The following TRMT2B variants were observed in gnomAD, a reference collection of about 807,000 sequenced individuals.
TRMT2B encodes the protein tRNA methyltransferase 2B.
Under a neutral mutation model 39.7 loss-of-function variants are expected in TRMT2B, and 34 were observed. The observed-to-expected ratio is 0.86, with a 90% confidence interval of 0.65 to 1.14. The LOEUF is 1.14. Among genes scored for constraint, TRMT2B ranks in the 50% most tolerant of loss-of-function variants. The probability of loss-of-function intolerance (pLI) is 0.00; values close to 1 mark genes in which losing one functional copy is unlikely to be tolerated. For missense variants in TRMT2B, 318 were observed against 377.2 expected, an observed-to-expected ratio of 0.84 and a Z score of 1.30; for synonymous variants, 132 against 137.3, an observed-to-expected ratio of 0.96 and a Z score of 0.27.
chrX:100,986,718 C>A, the TRMT2B span: 1 of 630,065 alleles, frequency 1.6e-6, no homozygotes, highest in East Asian at 3.5e-5. Flanking sequence ...CTCCTCTTTC[C>A]CTTCTTTTCT....
intron 2 of TRMT2B, among the ~76,000 whole-genome samples, chrX:101,048,472 C>CT (rs1436906900): frequency 9.0e-5 from 10 of 110,891 alleles, no homozygotes; most frequent in African/African-American, 3.0e-4. Context: ...AACAGTCTTA[C>CT]TTTGTCGCCC....
In TRMT2B at chrX:101,021,955, G is replaced by A. The variant is rs781213261; in HGVS notation, c.851+13C>T. ...TGGCAAGCCATCAGCCTATTTGGCT[G>A]TCCCAGGTTTACCTTTCCTGGAAGT... is the stretch of plus-strand genomic sequence containing the variant. On this transcript the variant is annotated intron_variant, in intron 9 of 13. Coordinates refer to ENST00000372936, the MANE Select transcript of TRMT2B (RefSeq NM_024917.6). The A allele has an allele frequency of 8.5e-7, 1 of 1,179,229 alleles. No individual in the cohort carries two copies. Among genetic ancestry groups the A allele is most frequent in the Non-Finnish European group, 1.2e-6 (1 of 865,683 alleles).
rs769380605 is a variant in TRMT2B, at chrX:101,035,676, G to A, written c.546C>T (p.Asn182=). Residue 182 remains asparagine (N), a synonymous_variant, in exon 7 of 14, where the codon AAC becomes AAT. Transcript: ENST00000372936. The part of the protein sequence containing the change: ...GFYLGTWRDG[N]VVCVQSNHLK... ...GATGATTAGACTGCACACAGACAAC[G>A]TTCCCATCTATGGAAAGAAAAATAA... The A allele has an allele frequency of 4.1e-5, 49 of 1,203,298 alleles. No individual in the cohort carries two copies. Among genetic ancestry groups the A allele is most frequent in the Non-Finnish European group, 5.1e-5 (45 of 889,238 alleles).
chrX:100,991,448 G>A, the TRMT2B span, among the ~76,000 whole-genome samples: 3 of 110,833 alleles, frequency 2.7e-5, no homozygotes, highest in African/African-American at 9.8e-5. Context: ...GCGTGATCTC[G>A]ACTCACTGCA....
In TRMT2B at chrX:101,019,073, G is replaced by T; in HGVS notation, c.1289-3C>A. 1 of 1,180,398 alleles carries T rather than the reference G, an allele frequency of 8.5e-7. No individual in the cohort carries two copies. The highest frequency in any genetic ancestry group is 1.7e-5 in the African/African-American group (1 of 57,247). On this transcript the variant is annotated splice_polypyrimidine_tract_variant and splice_region_variant and intron_variant, in intron 12 of 13. Coordinates refer to ENST00000372936, the MANE Select transcript of TRMT2B (RefSeq NM_024917.6). ...AATGGCTTGAATCACCTTGTAATCT[G>T]AAGGAAGAAACACCTTGCTATTAGT...
chrX:101,015,067 T>C (rs909428216), intron 13 of TRMT2B, among the ~76,000 whole-genome samples: 5 of 111,947 alleles, frequency 4.5e-5, no homozygotes, highest in Non-Finnish European at 9.4e-5. Context: ...AGAGATCTCT[T>C]ATTATCAGAA....
chrX:101,046,377 A>G, intron 2 of TRMT2B, among the ~76,000 whole-genome samples: 1 of 110,879 alleles, frequency 9.0e-6, no homozygotes, highest in Middle Eastern at 4.6e-3. Context: ...GGTCTGGGAC[A>G]AAAGAAAGAA....
intron 7 of TRMT2B, among the ~76,000 whole-genome samples, chrX:101,030,243 G>A (rs780833754): frequency 9.0e-6 from 1 of 110,548 alleles, no homozygotes; most frequent in African/African-American, 3.3e-5. Flanking sequence ...CAGCCTGGGC[G>A]ACAGAGTGAG....
chrX:100,977,800 A>G, the TRMT2B span, among the ~76,000 whole-genome samples: 1 of 112,342 alleles, frequency 8.9e-6, no homozygotes. Flanking sequence ...AACATAATGT[A>G]CTTGTTCTGC....
At chrX:100,988,156 C>T in the TRMT2B span, 176 of 1,104,305 alleles carry the variant, frequency 1.6e-4, no homozygotes, top group Non-Finnish European at 2.1e-4. Context: ...GAAGTGTGTC[C>T]GTTTCTACTA....
At chrX:101,039,976 A>C (rs903322609) in intron 4 of TRMT2B, among the ~76,000 whole-genome samples, 1 of 110,865 alleles carries the variant, frequency 9.0e-6, no homozygotes, top group Non-Finnish European at 1.9e-5. Context: ...CCTGAAGTTT[A>C]CTTATGGAAG....
At chrX:101,002,382 T>G in the TRMT2B span, among the ~76,000 whole-genome samples, 1 of 112,509 alleles carries the variant, frequency 8.9e-6, no homozygotes, top group Non-Finnish European at 1.9e-5. Context: ...AACTTCTTGC[T>G]CTAAAAATTG....
chrX:101,013,223 A>G (rs1003291814), intron 13 of TRMT2B, among the ~76,000 whole-genome samples: 15 of 111,958 alleles, frequency 1.3e-4, no homozygotes, highest in African/African-American at 4.9e-4. Flanking sequence ...GCATTATCCC[A>G]TTATAATCAA....
intron 7 of TRMT2B, among the ~76,000 whole-genome samples, chrX:101,028,472 T>C (rs762379409): frequency 1.1e-4 from 12 of 111,018 alleles, no homozygotes; most frequent in Non-Finnish European, 2.1e-4. Context: ...ATCCTGTTGT[T>C]CTACCCTCAA....
chrX:100,998,116 C>T, the TRMT2B span, among the ~76,000 whole-genome samples: 5 of 109,321 alleles, frequency 4.6e-5, no homozygotes, highest in Admixed American at 9.9e-5. Flanking sequence ...AAAAATTAGC[C>T]GGGCGTGGTG....
intron 13 of TRMT2B, among the ~76,000 whole-genome samples, chrX:101,017,097 G>A (rs747881306): frequency 7.3e-5 from 8 of 109,334 alleles, no homozygotes; most frequent in Admixed American, 2.0e-4. Context: ...GCTTGAACTC[G>A]GGAGGCGGAG....
chrX:101,030,976 A>ATT lies in TRMT2B; in HGVS notation c.609+4635_609+4636dup, dbSNP rs761961934. 6.7e-3 allele frequency among the ~76,000 whole-genome samples: 689 copies of ATT among 102,086 alleles called. 4 individuals are homozygous for ATT. The highest frequency in any genetic ancestry group is 0.023 in the African/African-American group (658 of 28,146). The allele number at this position is 102,086 out of a possible 115,157, so 88.6% of individuals were successfully genotyped here. On this transcript the variant is annotated intron_variant, in intron 7 of 13. Transcript: ENST00000372936. ...ACTATTAACTGGTCAAAGCCTCACT[A>ATT]TTTTTTTTTTTTTGACACAGGGTCT...
chrX:101,019,654 G>A, intron 11 of TRMT2B, among the ~76,000 whole-genome samples: 2 of 104,354 alleles, frequency 1.9e-5, no homozygotes, highest in Middle Eastern at 4.8e-3. Flanking sequence ...TTTCTTTTGC[G>A]ACAGAGTCTC....
the TRMT2B span, among the ~76,000 whole-genome samples, chrX:101,002,838 A>C: frequency 7.2e-5 from 8 of 111,386 alleles, no homozygotes; most frequent in East Asian, 2.0e-3. Flanking sequence ...GAATTAGGAA[A>C]TCATGGCTTT....
Sources: allele counts gnomAD v4.1 joint callset (sites outside exome capture counted in the v4.1 genomes callset), GRCh38; gene constraint gnomAD v4.1.1; transcripts MANE v1.5; gene names NCBI Gene and HGNC (gene_info 2026-07-23, HGNC 2026-07-21).